The following MAP2K4 variants were observed in gnomAD, a reference collection of about 807,000 sequenced individuals.
MAP2K4 encodes the protein dual specificity mitogen-activated protein kinase kinase 4.
Under a neutral mutation model 48.5 loss-of-function variants are expected in MAP2K4, and 4 were observed. That is an observed-to-expected ratio of 0.08 (90% CI 0.04 to 0.19). The LOEUF (loss-of-function observed/expected upper bound fraction) is 0.19, where lower values mean the gene tolerates loss of function less well. Ranked by LOEUF, MAP2K4 falls within the 10% of genes least tolerant of loss-of-function variation. The probability of loss-of-function intolerance (pLI) is 1.00; values close to 1 mark genes in which losing one functional copy is unlikely to be tolerated. For synonymous variants in MAP2K4, 166 were observed against 173.1 expected, an observed-to-expected ratio of 0.96 and a Z score of 0.32; for missense variants, 258 against 493.3, an observed-to-expected ratio of 0.52 and a Z score of 4.52.
rs541510141 is a variant in MAP2K4, at chr17:12,054,801, T to G, written c.116-88T>G. On this transcript the variant is annotated intron_variant, in intron 1 of 10. Transcript: ENST00000353533. ...AACTGTTTGTTAAAGCAAGTTCTCT[T>G]GCCTTTTGGTGTGACTTTCTTATGC... 8.7e-5 allele frequency: 64 copies of G among 733,920 alleles called. 1 individual carries two copies. Among genetic ancestry groups the G allele is most frequent in the Admixed American group, 7.2e-4 (30 of 41,930 alleles). The allele number at this position is 733,920 out of a possible 1,614,324, so 45.5% of individuals were successfully genotyped here.
chr17:12,104,364 A>G (rs576790807), intron 4 of MAP2K4, among the ~76,000 whole-genome samples: 2 of 152,282 alleles, frequency 1.3e-5, no homozygotes, highest in South Asian at 4.1e-4. Context: ...TTAGCCACAT[A>G]CATTGTACAG....
rs1161583841 is a variant in MAP2K4, at chr17:12,081,580, T to G, written c.393+50T>G. ...GGTACTTTAATCCATTAGGTGAAATTTCATGGTGCAGTAATACCACTGTTG... is the reference window on the plus strand; with the variant it reads ...GGTACTTTAATCCATTAGGTGAAATGTCATGGTGCAGTAATACCACTGTTG... On this transcript the variant is annotated intron_variant, in intron 3 of 10. Transcript: ENST00000353533. The surrounding 1 kb of genome is among the most constrained non-coding windows in gnomAD (Gnocchi z 4.2). 1 of 1,568,424 alleles carries G rather than the reference T, an allele frequency of 6.4e-7. No homozygotes were observed. Among genetic ancestry groups the G allele is most frequent in the Non-Finnish European group, 8.7e-7 (1 of 1,145,036 alleles).
intron 3 of MAP2K4, among the ~76,000 whole-genome samples, chr17:12,088,104 T>C (rs990167526): frequency 1.3e-5 from 2 of 152,208 alleles, no homozygotes; most frequent in Non-Finnish European, 2.9e-5. Context: ...AACTTTGTAT[T>C]ACAACTGAAT....
chr17:12,032,227 T>A, intron 1 of MAP2K4: 1 of 1,247,408 alleles, frequency 8.0e-7, no homozygotes, highest in East Asian at 2.7e-5. Flanking sequence ...TTTGTTTGAT[T>A]TACAGTAAAT....
chr17:12,141,518 G>T lies in MAP2K4; in HGVS notation c.*258G>T, dbSNP rs575260150. ...GTGATGAACATATTCATGAAATGTG[G>T]AAGTCAGTACGATCAAGTTGTTGAC... is the stretch of plus-strand genomic sequence containing the variant. On this transcript the variant is annotated 3_prime_UTR_variant, in exon 11 of 11. Coordinates refer to ENST00000353533, the MANE Select transcript of MAP2K4 (RefSeq NM_003010.4). 13 of 493,580 alleles carry T rather than the reference G, an allele frequency of 2.6e-5. No individual in the cohort carries two copies. The highest frequency in any genetic ancestry group is 4.4e-5 in the Non-Finnish European group (12 of 274,810). 30.6% of individuals were successfully genotyped at this position (493,580 alleles called of 1,614,324 possible).
In MAP2K4 at chr17:12,143,425, A is replaced by G; in HGVS notation, c.*2165A>G. 4.3e-6 allele frequency: 1 copy of G among 232,712 alleles called. No individual in the cohort carries two copies. The highest frequency in any genetic ancestry group is 8.5e-6 in the Non-Finnish European group (1 of 117,424). The allele number at this position is 232,712 out of a possible 1,614,324, so 14.4% of individuals were successfully genotyped here. A position where few individuals can be genotyped will look rare whatever the true frequency, so the allele number is the denominator to read the frequency against. ...TATCTTTATTAAAACAAAAGGGTGT[A>G]TAGTGTTCACAAACTGTGAAAATAG... On this transcript the variant is annotated 3_prime_UTR_variant, in exon 11 of 11. Coordinates refer to ENST00000353533, the MANE Select transcript of MAP2K4 (RefSeq NM_003010.4).
At chr17:12,137,040 C>T (rs1462394255) in intron 9 of MAP2K4, among the ~76,000 whole-genome samples, 1 of 152,144 alleles carries the variant, frequency 6.6e-6, no homozygotes, top group Non-Finnish European at 1.5e-5. Context: ...TGTCCTAATA[C>T]CAACATAGGA....
chr17:12,114,051 A>G (rs977661605), intron 7 of MAP2K4, among the ~76,000 whole-genome samples: 3 of 152,208 alleles, frequency 2.0e-5, no homozygotes, highest in African/African-American at 7.2e-5. Context: ...GCACACTACT[A>G]AATGTGACAC....
intron 3 of MAP2K4, among the ~76,000 whole-genome samples, chr17:12,094,818 T>C (rs186880854): frequency 9.9e-5 from 15 of 152,274 alleles, no homozygotes; most frequent in Admixed American, 7.9e-4. Context: ...ATCCCTGGTC[T>C]GCAGTATATG....
At chr17:12,113,646 A>G (rs1972381387) in intron 7 of MAP2K4, among the ~76,000 whole-genome samples, 1 of 152,214 alleles carries the variant, frequency 6.6e-6, no homozygotes, top group African/African-American at 2.4e-5. Flanking sequence ...CATTAAACAG[A>G]TGGTAACTTC....
chr17:12,130,205 A>C (rs926890598), intron 9 of MAP2K4, among the ~76,000 whole-genome samples: 1 of 152,146 alleles, frequency 6.6e-6, no homozygotes, highest in Non-Finnish European at 1.5e-5. Flanking sequence ...AAATTTAAAA[A>C]TATTTGTTTG....
At chr17:12,030,673 T>C (rs1181394214) in intron 1 of MAP2K4, among the ~76,000 whole-genome samples, 3 of 152,338 alleles carry the variant, frequency 2.0e-5, no homozygotes, top group African/African-American at 4.8e-5. Context: ...ACCTTACATA[T>C]AGATCCAACT....
At chr17:12,065,763 T>G (rs1322684151) in intron 2 of MAP2K4, among the ~76,000 whole-genome samples, 1 of 152,224 alleles carries the variant, frequency 6.6e-6, no homozygotes, top group Non-Finnish European at 1.5e-5. Flanking sequence ...GTGATAGATT[T>G]TTTTACTCTC....
In MAP2K4 at chr17:12,041,610, C is replaced by T. The variant is rs1969785381; in HGVS notation, c.116-13279C>T. 2.0e-5 allele frequency among the ~76,000 whole-genome samples: 3 copies of T among 152,162 alleles called. No individual in the cohort carries two copies. In the South Asian group the frequency reaches 6.2e-4, roughly 32 times the overall value. On this transcript the variant is annotated intron_variant, in intron 1 of 10. Coordinates refer to ENST00000353533, the MANE Select transcript of MAP2K4 (RefSeq NM_003010.4). ...TACTAAAAGCTTCTGGTAACTTTTT[C>T]AGAGAACCTGCATAACATCCAGTTA...
chr17:12,108,896 G>T (rs769403342), intron 5 of MAP2K4, among the ~76,000 whole-genome samples: 3 of 151,868 alleles, frequency 2.0e-5, no homozygotes. Context: ...ATTTAGCGGG[G>T]TATATGAAAT....
intron 1 of MAP2K4, among the ~76,000 whole-genome samples, chr17:12,029,535 T>G (rs1013540655): frequency 1.3e-5 from 2 of 152,130 alleles, no homozygotes; most frequent in African/African-American, 4.8e-5. Flanking sequence ...ACTTAAAATG[T>G]AACCAGTTAA....
chr17:12,083,633 T>C (rs948909248), intron 3 of MAP2K4, among the ~76,000 whole-genome samples: 1 of 152,250 alleles, frequency 6.6e-6, no homozygotes, highest in African/African-American at 2.4e-5. Context: ...ACTGGAAGAA[T>C]AAGTGTTTTT....
At chr17:12,038,201 A>C (rs1012186566) in intron 1 of MAP2K4, among the ~76,000 whole-genome samples, 3 of 152,158 alleles carry the variant, frequency 2.0e-5, no homozygotes, top group Non-Finnish European at 2.9e-5. Context: ...AATCCAGTTA[A>C]AGTGGTTTTC....
At chr17:12,103,068 C>T (rs1971990236) in intron 4 of MAP2K4, among the ~76,000 whole-genome samples, 1 of 148,646 alleles carries the variant, frequency 6.7e-6, no homozygotes, top group South Asian at 2.1e-4. Context: ...AAGTCAGGGT[C>T]TTGCTCTGTG....
Sources: allele counts gnomAD v4.1 joint callset (sites outside exome capture counted in the v4.1 genomes callset), GRCh38; gene constraint gnomAD v4.1.1; non-coding constraint Gnocchi (gnomAD v3.1); transcripts MANE v1.5; gene names NCBI Gene and HGNC (gene_info 2026-07-23, HGNC 2026-07-21).